Variants in C8orf34 observed in about 807,000 individuals in gnomAD.
C8orf34 encodes uncharacterized protein C8orf34.
A neutral mutation model predicts 68.3 loss-of-function variants in C8orf34; 65 were observed. That is an observed-to-expected ratio of 0.95 (90% CI 0.78 to 1.17). The LOEUF (loss-of-function observed/expected upper bound fraction) is 1.17. C8orf34 is among the 50% of genes most tolerant of loss of function. The pLI, the probability that C8orf34 is intolerant of heterozygous loss-of-function variation, is 0.00. For synonymous variants in C8orf34, 244 were observed against 241.2 expected, an observed-to-expected ratio of 1.01 and a Z score of -0.11; for missense variants, 664 against 655.4, an observed-to-expected ratio of 1.01 and a Z score of -0.14.
intron 3 of C8orf34, chr8:68,446,701 A>T: frequency 2.1e-6 from 1 of 482,358 alleles, no homozygotes; most frequent in Non-Finnish European, 3.6e-6. Flanking sequence ...TATTCCTTGA[A>T]GAATATAAAC....
intron 9 of C8orf34, among the ~76,000 whole-genome samples, chr8:68,720,902 C>T (rs971108494): frequency 7.9e-5 from 12 of 151,864 alleles, no homozygotes; most frequent in Admixed American, 5.9e-4. Flanking sequence ...TAATAATATG[C>T]GCCCCTCTCT....
chr8:68,773,993 C>T lies in C8orf34; in HGVS notation c.1405-2406C>T, dbSNP rs192444650. ...ACACTCCAGCTCCAAGGAAACACAT[C>T]GCCCTCTTCAGTGAGCGCCCAGAAA... On this transcript the variant is annotated intron_variant, in intron 10 of 13. Transcript: ENST00000518698. Among the ~76,000 whole-genome samples the T allele has an allele frequency of 2.4e-3, 362 of 152,278 alleles. 3 individuals carry two copies. The highest frequency in any genetic ancestry group is 2.1e-3 in the Non-Finnish European group (143 of 68,028).
chr8:68,473,106 T>C (rs1431567494), intron 4 of C8orf34, among the ~76,000 whole-genome samples: 2 of 152,164 alleles, frequency 1.3e-5, no homozygotes, highest in Admixed American at 6.5e-5. Context: ...CCGAGGTTCA[T>C]TGTCTTACAC....
At chr8:68,522,686 T>C (rs1034383432) in intron 6 of C8orf34, among the ~76,000 whole-genome samples, 1 of 152,174 alleles carries the variant, frequency 6.6e-6, no homozygotes, top group Non-Finnish European at 1.5e-5. Flanking sequence ...TTTTTTGTAA[T>C]ACCAGTTGCA....
chr8:68,451,320 G>A lies in C8orf34; in HGVS notation c.607+4860G>A, dbSNP rs149824675. On this transcript the variant is annotated intron_variant, in intron 3 of 13. Transcript: ENST00000518698. ...TCTTTCACTTTCTTATCATTCGTGT[G>A]TTTACTGGAATAGCACTTATAATTT... Among the ~76,000 whole-genome samples the A allele has an allele frequency of 7.0e-3, 1,070 of 152,202 alleles. 33 individuals are homozygous for A. Among genetic ancestry groups the A allele is most frequent in the Admixed American group, 0.053 (816 of 15,262 alleles).
intron 8 of C8orf34, among the ~76,000 whole-genome samples, chr8:68,707,705 T>G (rs1821210826): frequency 6.6e-6 from 1 of 152,090 alleles, no homozygotes; most frequent in Non-Finnish European, 1.5e-5. Flanking sequence ...CCTCCCGAAG[T>G]GCTGAGATTA....
At chr8:68,602,988 G>A (rs1817743080) in intron 7 of C8orf34, among the ~76,000 whole-genome samples, 1 of 152,006 alleles carries the variant, frequency 6.6e-6, no homozygotes, top group Admixed American at 6.6e-5. Context: ...CAAGGCTTCT[G>A]CAACACCCTA....
At chr8:68,626,920 A>C (rs973176538) in intron 7 of C8orf34, among the ~76,000 whole-genome samples, 2 of 152,320 alleles carry the variant, frequency 1.3e-5, no homozygotes, top group East Asian at 1.9e-4. Flanking sequence ...CTTTTCAAAA[A>C]GACTGACTTA....
intron 12 of C8orf34, among the ~76,000 whole-genome samples, chr8:68,794,482 A>ATATATATAAATATATATAT (rs1824110275): frequency 1.1e-5 from 1 of 89,346 alleles, no homozygotes; most frequent in African/African-American, 7.7e-5. Flanking sequence ...TATAAATATA[A>ATATATATAAATATATATAT]ATATATATAT....
At chr8:68,445,327 A>G (rs1811076751) in intron 2 of C8orf34, among the ~76,000 whole-genome samples, 1 of 152,228 alleles carries the variant, frequency 6.6e-6, no homozygotes, top group African/African-American at 2.4e-5. Flanking sequence ...TTGTAAATTA[A>G]GACAAGAAGG....
Position 68,467,030 on chromosome 8 carries a change from A to G in C8orf34, c.608-1662A>G, listed in dbSNP as rs112401864. 8.5e-3 allele frequency among the ~76,000 whole-genome samples: 1,285 copies of G among 151,954 alleles called. 19 individuals carry two copies. Among genetic ancestry groups the G allele is most frequent in the African/African-American group, 0.03 (1,236 of 41,462 alleles). On this transcript the variant is annotated intron_variant, in intron 3 of 13. Coordinates refer to ENST00000518698, the MANE Select transcript of C8orf34 (RefSeq NM_052958.4). Reference sequence around the variant, plus strand: ...AGATTTCTACCCAACTCGGCTCCTAACCTGCAATCACTTTCACCTCTTTTA... The same window carrying G: ...AGATTTCTACCCAACTCGGCTCCTAGCCTGCAATCACTTTCACCTCTTTTA...
chr8:68,678,644 T>C (rs535831004), intron 8 of C8orf34, among the ~76,000 whole-genome samples: 49 of 152,126 alleles, frequency 3.2e-4, no homozygotes, highest in Admixed American at 1.0e-3. Flanking sequence ...GTATACTGAA[T>C]GGGGAAAAAC....
intron 13 of C8orf34, among the ~76,000 whole-genome samples, chr8:68,817,978 A>T (rs1363936047): frequency 4.0e-5 from 6 of 148,716 alleles, no homozygotes; most frequent in Non-Finnish European, 7.5e-5. Context: ...GATTATGGGG[A>T]TTGTAATTCA....
intron 8 of C8orf34, among the ~76,000 whole-genome samples, chr8:68,686,148 C>G (rs1427738276): frequency 3.3e-5 from 5 of 151,620 alleles, no homozygotes; most frequent in Admixed American, 1.3e-4. Context: ...AGATTACCAC[C>G]ACCACCAACA....
At chr8:68,692,530 G>A (rs1047657180) in intron 8 of C8orf34, among the ~76,000 whole-genome samples, 1 of 151,774 alleles carries the variant, frequency 6.6e-6, no homozygotes, top group Non-Finnish European at 1.5e-5. Flanking sequence ...CTTCAACAAA[G>A]AATGACACAT....
chr8:68,640,546 T>G, intron 8 of C8orf34, 35 bp downstream of exon 8: 1 of 1,569,692 alleles, frequency 6.4e-7, no homozygotes, highest in Non-Finnish European at 8.7e-7. Flanking sequence ...TATATAAACA[T>G]GATCTTGATT....
At chr8:68,818,170 C>CT in intron 13 of C8orf34, 69 bp from the exon 14 acceptor site, 1 of 1,520,528 alleles carries the variant, frequency 6.6e-7, no homozygotes, top group Non-Finnish European at 9.1e-7. Flanking sequence ...CACAATTTTT[C>CT]TTTTTAATAT....
intron 1 of C8orf34, among the ~76,000 whole-genome samples, chr8:68,399,055 A>G (rs1808840098): frequency 6.6e-6 from 1 of 152,074 alleles, no homozygotes; most frequent in Admixed American, 6.6e-5. Flanking sequence ...AAATTATGTC[A>G]CCCATCCTAT....
chr8:68,737,714 A>C (rs1250435900), intron 10 of C8orf34, among the ~76,000 whole-genome samples: 1 of 152,114 alleles, frequency 6.6e-6, no homozygotes, highest in Non-Finnish European at 1.5e-5. Context: ...CAATTCAAGA[A>C]GACTGAAATA....
Sources: allele counts gnomAD v4.1 joint callset (sites outside exome capture counted in the v4.1 genomes callset), GRCh38; gene constraint gnomAD v4.1.1; transcripts MANE v1.5; gene names NCBI Gene and HGNC (gene_info 2026-07-23, HGNC 2026-07-21).